Variants in FILIP1L observed in about 807,000 individuals in gnomAD.
FILIP1L encodes the protein filamin A interacting protein 1 like, also known as filamin A-interacting protein 1-like.
A neutral mutation model predicts 96.6 loss-of-function variants in FILIP1L; 55 were observed. The observed-to-expected ratio is 0.57, with a 90% CI of 0.46 to 0.71. The LOEUF is 0.71. Among genes scored for constraint, FILIP1L ranks in the 30% least tolerant of loss-of-function variants. The pLI, the probability that FILIP1L is intolerant of heterozygous loss-of-function variation, is 0.00. For missense variants in FILIP1L, 1,304 were observed against 1,321.2 expected (o/e 0.99, Z 0.20); for synonymous variants, 467 against 473.9 (o/e 0.99, Z 0.19).
chr3:100,076,008 A>G (rs900979794), intron 1 of FILIP1L, among the ~76,000 whole-genome samples: 13 of 152,168 alleles, frequency 8.5e-5, no homozygotes, highest in African/African-American at 3.1e-4. Context: ...GTAATTTCTA[A>G]GATCATTTCC....
intron 1 of FILIP1L, among the ~76,000 whole-genome samples, chr3:100,057,731 C>T (rs921717358): frequency 9.2e-5 from 14 of 152,220 alleles, no homozygotes; most frequent in Non-Finnish European, 1.8e-4. Context: ...TGCATTTGGT[C>T]GCAGAAGGTA....
chr3:99,983,456 A>G (rs868383080), intron 1 of FILIP1L, among the ~76,000 whole-genome samples: 677 of 9,748 alleles, frequency 0.069, 19 homozygotes, highest in African/African-American at 0.21. Context: ...GTATATATAT[A>G]TATGTGTGTA....
chr3:99,973,635 A>G (rs576005518), intron 1 of FILIP1L, among the ~76,000 whole-genome samples: 2 of 152,348 alleles, frequency 1.3e-5, no homozygotes, highest in Admixed American at 1.3e-4. Context: ...GTAAGTAAAT[A>G]GATTGAGGAG....
rs191077271 is a variant in FILIP1L, at chr3:100,021,798, C to A, written c.-10-90768G>T. Among the ~76,000 whole-genome samples the A allele has an allele frequency of 2.7e-3, 412 of 152,208 alleles. 4 individuals are homozygous for A. The highest frequency in any genetic ancestry group is 9.5e-3 in the African/African-American group (396 of 41,514). The stretch of plus-strand genomic sequence containing the variant: ...AGGAACTTCTAGGTGCTTTAGATAT[C>A]CCCTAAATGATTAAAGAATAGATTA... On this transcript the variant is annotated intron_variant, in intron 1 of 5. Coordinates refer to ENST00000477258, the MANE Select transcript of FILIP1L (RefSeq NM_001387850.1).
intron 4 of FILIP1L, among the ~76,000 whole-genome samples, chr3:99,897,824 A>G (rs867830611): frequency 6.6e-6 from 1 of 152,226 alleles, no homozygotes; most frequent in Non-Finnish European, 1.5e-5. Flanking sequence ...CACTACAGAG[A>G]ATCTCCTATA....
rs917274982 is a variant in FILIP1L at position 99,829,693 on chromosome 3, C to G, written c.*721G>C. On this transcript the variant is annotated 3_prime_UTR_variant, in exon 6 of 6. Coordinates refer to ENST00000477258, the MANE Select transcript of FILIP1L (RefSeq NM_001387850.1). Reference sequence around the variant, plus strand: ...AGAAGAGATATGAATAAACAATGTCCTGTGAGATGATAAATTCTGTATTTT... The same window carrying G: ...AGAAGAGATATGAATAAACAATGTCGTGTGAGATGATAAATTCTGTATTTT... Among the ~76,000 whole-genome samples, 1 of 152,092 alleles carries G rather than the reference C, an allele frequency of 6.6e-6. No homozygotes were observed. Among genetic ancestry groups the G allele is most frequent in the African/African-American group, 2.4e-5 (1 of 41,406 alleles).
intron 4 of FILIP1L, among the ~76,000 whole-genome samples, chr3:99,897,067 G>A (rs1706278771): frequency 6.6e-6 from 1 of 151,838 alleles, no homozygotes; most frequent in Admixed American, 6.6e-5. Context: ...TAAGAATATT[G>A]TCAACTTTTG....
Position 100,032,080 on chromosome 3 carries a change from C to T in FILIP1L, c.-11+81973G>A, listed in dbSNP as rs114302515. 4.9e-3 allele frequency among the ~76,000 whole-genome samples: 752 copies of T among 152,240 alleles called. 5 individuals are homozygous for T. Among genetic ancestry groups the T allele is most frequent in the African/African-American group, 0.017 (707 of 41,544 alleles). ...GACAGGCTACAGACCAGATCTAGCC[C>T]ATTAGCCATAGTTTGCTAAACCCTG... On this transcript the variant is annotated intron_variant, in intron 1 of 5. Transcript: ENST00000477258.
chr3:99,916,483 C>T lies in FILIP1L; in HGVS notation c.605+7747G>A, dbSNP rs1167239905. On this transcript the variant is annotated intron_variant, in intron 4 of 5. Coordinates refer to ENST00000477258, the MANE Select transcript of FILIP1L (RefSeq NM_001387850.1). ...ACACACACACACACACACACACACA[C>T]ACGTTCTGTTTCTCTGGAGGACCCT... Among the ~76,000 whole-genome samples the T allele has an allele frequency of 3.5e-5, 5 of 144,620 alleles. No individual in the cohort carries two copies. In the Admixed American group the frequency reaches 3.5e-4, roughly 10 times the overall value. The allele number at this position is 144,620 out of a possible 152,430, so 94.9% of individuals were successfully genotyped here.
chr3:100,008,283 T>C (rs2107185887), intron 1 of FILIP1L, among the ~76,000 whole-genome samples: 1 of 152,256 alleles, frequency 6.6e-6, no homozygotes, highest in South Asian at 2.1e-4. Flanking sequence ...AGCAATAGCA[T>C]AGACTTGAAC....
In FILIP1L at chr3:99,830,429, C is replaced by T. The variant is rs545781046; in HGVS notation, c.3558G>A (p.Val1186=). 1.5e-4 allele frequency: 67 copies of T among 449,442 alleles called. No individual in the cohort carries two copies. The highest frequency in any genetic ancestry group is 1.1e-3 in the African/African-American group (55 of 50,072). The allele number at this position is 449,442 out of a possible 1,614,324, so 27.8% of individuals were successfully genotyped here. Residue 1186 remains valine, a synonymous_variant, in exon 6 of 6, where the codon GTG becomes GTA. Coordinates refer to ENST00000477258, the MANE Select transcript of FILIP1L (RefSeq NM_001387850.1). The part of the protein sequence containing the change: ...RTVTSNTFLH[V]GGRR ...TTGGTATGAGTTACCTTCTCCCTCC[C>T]ACGTGGAGGAAGGTGTTGGAGGTGA... is the stretch of plus-strand genomic sequence containing the variant.
At chr3:100,039,272 T>C (rs1054966754) in intron 1 of FILIP1L, among the ~76,000 whole-genome samples, 3 of 152,184 alleles carry the variant, frequency 2.0e-5, no homozygotes, top group African/African-American at 4.8e-5. Context: ...CTGAGCAACC[T>C]TTTCTAAGTG....
chr3:99,848,000 G>T, intron 5 of FILIP1L: 1 of 1,090,566 alleles, frequency 9.2e-7, no homozygotes, highest in Non-Finnish European at 1.1e-6. Context: ...TCAAATTAAA[G>T]TGAGTTATGG....
intron 4 of FILIP1L, among the ~76,000 whole-genome samples, chr3:99,859,294 C>G (rs376262561): frequency 3.3e-5 from 5 of 152,214 alleles, no homozygotes; most frequent in East Asian, 1.9e-4. Context: ...CAAAACCTGC[C>G]TGTATTCTTG....
intron 1 of FILIP1L, among the ~76,000 whole-genome samples, chr3:100,071,535 A>G (rs1258348578): frequency 6.6e-6 from 1 of 152,210 alleles, no homozygotes; most frequent in East Asian, 1.9e-4. Context: ...GGCAGAGTAC[A>G]GAATAGCCCA....
At chr3:99,937,250 A>T (rs1707708267) in intron 1 of FILIP1L, among the ~76,000 whole-genome samples, 1 of 152,142 alleles carries the variant, frequency 6.6e-6, no homozygotes, top group Admixed American at 6.5e-5. Context: ...GCTTATTTTC[A>T]TATGTGGACC....
At chr3:99,986,536 G>T (rs886243704) in intron 1 of FILIP1L, among the ~76,000 whole-genome samples, 1 of 152,138 alleles carries the variant, frequency 6.6e-6, no homozygotes, top group Non-Finnish European at 1.5e-5. Flanking sequence ...CTTATATGAG[G>T]TTGGTAGGTA....
chr3:100,007,245 C>A (rs1710013728), intron 1 of FILIP1L, among the ~76,000 whole-genome samples: 1 of 152,116 alleles, frequency 6.6e-6, no homozygotes. Flanking sequence ...TGGTTTGAGT[C>A]TCTCAGACAT....
chr3:100,042,134 G>A (rs778016135), intron 1 of FILIP1L, among the ~76,000 whole-genome samples: 2 of 152,022 alleles, frequency 1.3e-5, no homozygotes, highest in Non-Finnish European at 2.9e-5. Flanking sequence ...TTTAAATGTA[G>A]TCATTATTAC....
Sources: gnomAD v4.1 joint callset for allele counts (sites outside exome capture counted in the v4.1 genomes callset) on GRCh38, gnomAD v4.1.1 for gene constraint, MANE v1.5 for transcripts, NCBI Gene and HGNC (gene_info 2026-07-23, HGNC 2026-07-21) for gene names.